The following HTRA1 variants were observed in gnomAD, a reference collection of about 807,000 sequenced individuals.
HTRA1 encodes serine protease HTRA1.
HTRA1 carries 26 observed loss-of-function variants against 49.7 expected under a neutral mutation model. The ratio of observed to expected loss-of-function variants is 0.52; its 90% CI spans 0.38 to 0.73. HTRA1 has a LOEUF of 0.73. Among genes scored for constraint, HTRA1 ranks in the 30% least tolerant of loss-of-function variants. The pLI, the probability that HTRA1 is intolerant of heterozygous loss-of-function variation, is 0.00. For synonymous variants in HTRA1, 291 were observed against 286.9 expected (o/e 1.01, Z -0.14); for missense variants, 561 against 667.2 (o/e 0.84, Z 1.75).
chr10:122,511,452 G>A (rs1210615557), intron 7 of HTRA1, among the ~76,000 whole-genome samples: 1 of 152,132 alleles, frequency 6.6e-6, no homozygotes, highest in African/African-American at 2.4e-5. Flanking sequence ...AATGATGATG[G>A]CTGGGTGCGG....
intron 1 of HTRA1, among the ~76,000 whole-genome samples, chr10:122,462,508 C>T (rs938895523): frequency 6.6e-6 from 1 of 152,282 alleles, no homozygotes; most frequent in African/African-American, 2.4e-5. Context: ...CCTCGCAGAG[C>T]GGCTTCAGGA....
rs111425870 is a variant in HTRA1, at chr10:122,507,268, C to G, written c.973-102C>G. The G allele has an allele frequency of 1.8e-3, 1,632 of 908,340 alleles. 22 individuals are homozygous for G. The African/African-American group carries it at 0.024, about 13-fold the overall frequency. 56.3% of individuals were successfully genotyped at this position (908,340 alleles called of 1,614,324 possible). A position where few individuals can be genotyped will look rare whatever the true frequency, so the allele number is the denominator to read the frequency against. Reference sequence around the variant, plus strand: ...AATGAATCTCAGAGAAGAATCGTGCCCCCCACTCTAGGCACCGTGCTCAGG... The same window carrying G: ...AATGAATCTCAGAGAAGAATCGTGCGCCCCACTCTAGGCACCGTGCTCAGG... On this transcript the variant is annotated intron_variant, in intron 4 of 8. Coordinates refer to ENST00000368984, the MANE Select transcript of HTRA1 (RefSeq NM_002775.5).
chr10:122,507,244 A>G (rs2097503444), intron 4 of HTRA1, 126 bp from the exon 5 acceptor site: 1 of 813,278 alleles, frequency 1.2e-6, no homozygotes, highest in Non-Finnish European at 2.2e-6. Context: ...GTTAATGGGA[A>G]TGAATCTCAG....
Position 122,510,109 on chromosome 10 carries a change from C to T in HTRA1, c.1134C>T (p.Thr378=), listed in dbSNP as rs745767710. ...TTGTCTCACCAGGAAAAGCCATCACCAAGAAGAAGTATATTGGTATCCGAA... is the reference window on the plus strand; with the variant it reads ...TTGTCTCACCAGGAAAAGCCATCACTAAGAAGAAGTATATTGGTATCCGAA... The part of the protein sequence containing the change: ...HDRQAKGKAI[T]KKKYIGIRMM... The change falls in exon 7 of 9, where the codon ACC becomes ACT. Residue 378 remains threonine (T), a synonymous_variant. Transcript: ENST00000368984. 4 of 1,614,010 alleles carry T rather than the reference C, an allele frequency of 2.5e-6. No individual in the cohort carries two copies. The highest frequency in any genetic ancestry group is 3.4e-6 in the Non-Finnish European group (4 of 1,179,864).
chr10:122,502,370 T>A (rs2097501238), intron 3 of HTRA1, among the ~76,000 whole-genome samples: 1 of 152,210 alleles, frequency 6.6e-6, no homozygotes, highest in South Asian at 2.1e-4. Context: ...GTGGGCCGCC[T>A]CTTCCAAGGT....
intron 3 of HTRA1, among the ~76,000 whole-genome samples, chr10:122,501,819 G>A (rs1392363680): frequency 6.6e-6 from 1 of 152,088 alleles, no homozygotes; most frequent in Admixed American, 6.6e-5. Context: ...TGGCCGTCTT[G>A]TGGCTGTGAG....
intron 7 of HTRA1, 146 bp downstream of exon 7, chr10:122,510,299 G>A: frequency 1.3e-6 from 1 of 746,032 alleles, no homozygotes; most frequent in Non-Finnish European, 2.4e-6. Flanking sequence ...TCGGGAAAGA[G>A]GACAGGTCAT....
At position 122,461,650 on chromosome 10, in the gene HTRA1, G is replaced by C. The variant is rs1222992378; in HGVS notation, c.-3G>C. 1 of 1,308,972 alleles carries C rather than the reference G, an allele frequency of 7.6e-7. No individual in the cohort carries two copies. The highest frequency in any genetic ancestry group is 2.7e-5 in the Admixed American group (1 of 36,476). The allele number at this position is 1,308,972 out of a possible 1,614,324, so 81.1% of individuals were successfully genotyped here. Reference sequence around the variant, plus strand: ...CGCCACCGCCGCCGCCGCCAGAGTCGCCATGCAGATCCCGCGCGCCGCTCT... The same window carrying C: ...CGCCACCGCCGCCGCCGCCAGAGTCCCCATGCAGATCCCGCGCGCCGCTCT... On this transcript the variant is annotated 5_prime_UTR_variant, in exon 1 of 9. Coordinates refer to ENST00000368984, the MANE Select transcript of HTRA1 (RefSeq NM_002775.5).
At chr10:122,473,413 A>G (rs2097487007) in intron 1 of HTRA1, among the ~76,000 whole-genome samples, 1 of 152,162 alleles carries the variant, frequency 6.6e-6, no homozygotes, top group African/African-American at 2.4e-5. Flanking sequence ...ATGCGGGAGG[A>G]GGCCAGACTG....
chr10:122,486,913 T>C (rs145066633), intron 1 of HTRA1, among the ~76,000 whole-genome samples: 1 of 152,140 alleles, frequency 6.6e-6, no homozygotes, highest in African/African-American at 2.4e-5. Flanking sequence ...TGTTTATGCA[T>C]GTACATCTGT....
chr10:122,487,812 GGTGA>G lies in HTRA1; in HGVS notation c.473-1087_473-1084del, dbSNP rs1271490032. Among the ~76,000 whole-genome samples, 10 of 152,196 alleles carry G rather than the reference GGTGA, an allele frequency of 6.6e-5. No homozygotes were observed. Among genetic ancestry groups the G allele is most frequent in the South Asian group, 2.1e-4 (1 of 4,828 alleles). The stretch of plus-strand genomic sequence containing the variant: ...GAATACTGTAGGCAGTTGTAACAAT[GGTGA>G]GTATTTGTGTATTCAAACATAGAAA... On this transcript the variant is annotated intron_variant, in intron 1 of 8. Coordinates refer to ENST00000368984, the MANE Select transcript of HTRA1 (RefSeq NM_002775.5). The surrounding 1 kb of genome is among the most constrained non-coding windows in gnomAD (Gnocchi z 4.8).
chr10:122,513,055 CT>C (rs1318136904), intron 8 of HTRA1, among the ~76,000 whole-genome samples: 1 of 152,082 alleles, frequency 6.6e-6, no homozygotes, highest in African/African-American at 2.4e-5. Context: ...TCTATGGTGG[CT>C]TTTGTGCTGG....
At chr10:122,493,818 C>A (rs2097497079) in intron 3 of HTRA1, among the ~76,000 whole-genome samples, 1 of 151,958 alleles carries the variant, frequency 6.6e-6, no homozygotes, top group African/African-American at 2.4e-5. Flanking sequence ...ACCCCTCACT[C>A]TCTCTGCCCC....
Position 122,464,945 on chromosome 10 carries a change from C to T in HTRA1, c.472+2821C>T, listed in dbSNP as rs985248375. 4.6e-5 allele frequency among the ~76,000 whole-genome samples: 7 copies of T among 152,076 alleles called. No individual in the cohort carries two copies. Among genetic ancestry groups the T allele is most frequent in the South Asian group, 2.1e-4 (1 of 4,824 alleles). On this transcript the variant is annotated intron_variant, in intron 1 of 8. Transcript: ENST00000368984. This position sits in a 1 kb window ranked among gnomAD's most constrained non-coding sequence, Gnocchi z 4.8. ...GGAGACAGAGCTCTCGAGGCAGGAG[C>T]GGGTGCTGCGATTTCAAATATTATA...
intron 1 of HTRA1, among the ~76,000 whole-genome samples, chr10:122,478,155 G>T (rs1352967434): frequency 6.6e-6 from 1 of 152,180 alleles, no homozygotes; most frequent in Non-Finnish European, 1.5e-5. Context: ...ACCTTTGCTG[G>T]TATTTAAAGT....
At chr10:122,469,057 A>C (rs951283282) in intron 1 of HTRA1, among the ~76,000 whole-genome samples, 1 of 152,138 alleles carries the variant, frequency 6.6e-6, no homozygotes, top group African/African-American at 2.4e-5. Flanking sequence ...TGTGCACACA[A>C]AAGTCTCCGA....
Position 122,491,806 on chromosome 10 carries a change from A to G in HTRA1, c.777+2180A>G, listed in dbSNP as rs111965289. 2.4e-3 allele frequency among the ~76,000 whole-genome samples: 359 copies of G among 152,368 alleles called. 1 individual carries two copies. The highest frequency in any genetic ancestry group is 8.0e-3 in the African/African-American group (334 of 41,594). On this transcript the variant is annotated intron_variant, in intron 3 of 8. Coordinates refer to ENST00000368984, the MANE Select transcript of HTRA1 (RefSeq NM_002775.5). ...AGCCCCCCAAGAAAGGGTGCTTGAA[A>G]TTTAAAATTGAACTGATGTGGCTTT...
chr10:122,511,913 C>T (rs1324667098), intron 7 of HTRA1, 57 bp from the exon 8 acceptor site: 12 of 1,281,708 alleles, frequency 9.4e-6, no homozygotes, highest in Middle Eastern at 2.2e-4. Flanking sequence ...CTGAGTTTTG[C>T]GTGAGGAAGG....
chr10:122,463,336 ACT>A (rs1175599505), intron 1 of HTRA1, among the ~76,000 whole-genome samples: 1 of 151,852 alleles, frequency 6.6e-6, no homozygotes, highest in Non-Finnish European at 1.5e-5. Flanking sequence ...CCCTCGGGAA[ACT>A]CAGCCTAGTC....
Sources: gnomAD v4.1 joint callset for allele counts (sites outside exome capture counted in the v4.1 genomes callset) on GRCh38, gnomAD v4.1.1 for gene constraint, Gnocchi (gnomAD v3.1) non-coding constraint, MANE v1.5 for transcripts, NCBI Gene and HGNC (gene_info 2026-07-23, HGNC 2026-07-21) for gene names.